Variants in CSMD1 observed in about 807,000 individuals in gnomAD.
The protein encoded by CSMD1 is CUB and sushi domain-containing protein 1.
A neutral mutation model predicts 417.5 loss-of-function variants in CSMD1; 213 were observed. That is an observed-to-expected ratio of 0.51 (90% confidence interval 0.46 to 0.57). The LOEUF (loss-of-function observed/expected upper bound fraction) is 0.57, where lower values mean the gene tolerates loss of function less well. Ranked by LOEUF, CSMD1 falls within the 20% of genes least tolerant of loss-of-function variation. CSMD1 has a pLI of 0.00. For missense variants in CSMD1, 6,923 were observed against 4,529.7 expected, an observed-to-expected ratio of 1.53 and a Z score of -15.17; for synonymous variants, 2,862 against 1,736.8, an observed-to-expected ratio of 1.65 and a Z score of -16.11.
intron 3 of CSMD1, among the ~76,000 whole-genome samples, chr8:4,247,725 T>C (rs1226224483): frequency 6.6e-6 from 1 of 152,134 alleles, no homozygotes; most frequent in Non-Finnish European, 1.5e-5. Context: ...ATAACGCCCT[T>C]TTGAAAATGT....
intron 1 of CSMD1, among the ~76,000 whole-genome samples, chr8:4,886,196 G>A (rs148023288): frequency 2.6e-5 from 4 of 151,874 alleles, no homozygotes; most frequent in African/African-American, 9.7e-5. Flanking sequence ...TCACCATGTT[G>A]GCCAGGCTGG....
intron 62 of CSMD1, among the ~76,000 whole-genome samples, chr8:2,959,143 G>A (rs1444600900): frequency 2.0e-5 from 3 of 152,158 alleles, no homozygotes; most frequent in African/African-American, 7.2e-5. Context: ...TCTCTCTATT[G>A]CCCAGAGTAT....
rs568345544 is a variant in CSMD1 at position 3,207,785 on chromosome 8, G to C, written c.4868-2165C>G. ...TTAAATAAGCTCAGCCTTCATGCTA[G>C]TGTCTTAATTCAAAATCATGTTATC... On this transcript the variant is annotated intron_variant, in intron 30 of 69. Coordinates refer to ENST00000635120, the MANE Select transcript of CSMD1 (RefSeq NM_033225.6). 2.0e-5 allele frequency among the ~76,000 whole-genome samples: 3 copies of C among 152,280 alleles called. No homozygotes were observed. The South Asian group carries it at 6.2e-4, about 32-fold the overall frequency.
At chr8:4,083,765 C>T (rs189867188) in intron 3 of CSMD1, among the ~76,000 whole-genome samples, 1 of 152,152 alleles carries the variant, frequency 6.6e-6, no homozygotes, top group Non-Finnish European at 1.5e-5. Context: ...CATTACCATT[C>T]AGGACATAGG....
intron 17 of CSMD1, among the ~76,000 whole-genome samples, chr8:3,395,587 T>A (rs1291414516): frequency 2.0e-5 from 3 of 152,222 alleles, no homozygotes; most frequent in Non-Finnish European, 4.4e-5. Flanking sequence ...GCAAAATACA[T>A]TCCATTATAA....
At chr8:3,475,592 G>C (rs1817360812) in intron 11 of CSMD1, among the ~76,000 whole-genome samples, 2 of 152,130 alleles carry the variant, frequency 1.3e-5, no homozygotes. Flanking sequence ...CAAGAGAATT[G>C]TATTAATCCA....
chr8:4,777,917 G>C (rs370550823), intron 1 of CSMD1, among the ~76,000 whole-genome samples: 1 of 152,140 alleles, frequency 6.6e-6, no homozygotes, highest in South Asian at 2.1e-4. Context: ...ACATCAAAGG[G>C]CTACTCCCTA....
intron 5 of CSMD1, among the ~76,000 whole-genome samples, chr8:3,930,219 G>C (rs932163563): frequency 1.3e-5 from 2 of 150,264 alleles, no homozygotes; most frequent in Non-Finnish European, 3.0e-5. Flanking sequence ...TACGTGACAA[G>C]TAAAGTAGAG....
At chr8:3,519,205 G>T (rs961456623) in intron 10 of CSMD1, among the ~76,000 whole-genome samples, 1 of 152,016 alleles carries the variant, frequency 6.6e-6, no homozygotes, top group African/African-American at 2.4e-5. Context: ...ATCACTGAAG[G>T]GCAAAATTAC....
At chr8:4,320,589 A>C (rs1799217448) in intron 3 of CSMD1, among the ~76,000 whole-genome samples, 2 of 151,652 alleles carry the variant, frequency 1.3e-5, no homozygotes, top group South Asian at 4.2e-4. Flanking sequence ...ACTCCCACTT[A>C]TGAGTGAGAA....
At chr8:3,485,601 G>C (rs1392359849) in intron 11 of CSMD1, among the ~76,000 whole-genome samples, 1 of 149,550 alleles carries the variant, frequency 6.7e-6, no homozygotes, top group Non-Finnish European at 1.5e-5. Context: ...AAATAAAACA[G>C]GAAATTAAAT....
Position 2,978,760 on chromosome 8 carries a change from A to G in CSMD1, c.8418T>C (p.Ile2806=). The change falls in exon 55 of 70, where the codon ATT becomes ATC. Residue 2806 remains isoleucine, a synonymous_variant. Transcript: ENST00000635120. ...CSDPGFVENA[I]RHGQQNFPES... is the part of the protein sequence containing the mutation. ...CAGGGAAGTTCTGTTGCCCGTGACG[A>G]ATGGCATTTTCCACAAAGCCTGGAT... The G allele has an allele frequency of 3.7e-6, 6 of 1,613,576 alleles. No homozygotes were observed. Among genetic ancestry groups the G allele is most frequent in the Non-Finnish European group, 5.1e-6 (6 of 1,179,746 alleles).
At chr8:4,668,016 G>C (rs577414676) in intron 1 of CSMD1, among the ~76,000 whole-genome samples, 1 of 152,206 alleles carries the variant, frequency 6.6e-6, no homozygotes, top group South Asian at 2.1e-4. Flanking sequence ...TTAAGCTATA[G>C]CGATTCTACA....
chr8:4,100,757 T>G (rs1801263741), intron 3 of CSMD1, among the ~76,000 whole-genome samples: 1 of 152,144 alleles, frequency 6.6e-6, no homozygotes, highest in African/African-American at 2.4e-5. Flanking sequence ...GGGGACTACA[T>G]AAATGAAGTC....
At chr8:3,724,649 C>G (rs1473907678) in intron 6 of CSMD1, among the ~76,000 whole-genome samples, 2 of 152,100 alleles carry the variant, frequency 1.3e-5, no homozygotes, top group Non-Finnish European at 2.9e-5. Context: ...GACATTTACC[C>G]TGGGCTCAAC....
intron 8 of CSMD1, among the ~76,000 whole-genome samples, chr8:3,598,727 G>A (rs554544755): frequency 6.6e-6 from 1 of 152,282 alleles, no homozygotes; most frequent in East Asian, 1.9e-4. Flanking sequence ...GATGGCTCCA[G>A]GTAGTGATTT....
intron 3 of CSMD1, among the ~76,000 whole-genome samples, chr8:4,176,291 A>C (rs1176380050): frequency 6.6e-6 from 1 of 152,150 alleles, no homozygotes; most frequent in Non-Finnish European, 1.5e-5. Context: ...AAAATTCTAT[A>C]GCAAGTGTCC....
intron 3 of CSMD1, among the ~76,000 whole-genome samples, chr8:4,193,719 C>G (rs186985361): frequency 6.6e-6 from 1 of 152,216 alleles, no homozygotes; most frequent in East Asian, 1.9e-4. Flanking sequence ...GCGCAGGAAC[C>G]ACGTCTCCAC....
chr8:3,571,053 C>G (rs1015344897), intron 10 of CSMD1, among the ~76,000 whole-genome samples: 1 of 152,096 alleles, frequency 6.6e-6, no homozygotes, highest in East Asian at 1.9e-4. Context: ...TGTGGGTATT[C>G]CACTCCAGGG....
Sources: gnomAD v4.1 joint callset for allele counts (sites outside exome capture counted in the v4.1 genomes callset) on GRCh38, gnomAD v4.1.1 for gene constraint, MANE v1.5 for transcripts, NCBI Gene and HGNC (gene_info 2026-07-23, HGNC 2026-07-21) for gene names.